Variants in DMD observed in about 807,000 individuals in gnomAD.
DMD encodes the protein dystrophin.
In DMD, 63 loss-of-function variants were observed where a neutral mutation model predicts 330.1. The ratio of observed to expected loss-of-function variants is 0.19; its 90% confidence interval spans 0.16 to 0.24. DMD has a LOEUF of 0.24. Ranked by LOEUF, DMD falls within the 10% of genes least tolerant of loss-of-function variation. DMD has a pLI of 1.00. For missense variants in DMD, 3,344 were observed against 2,684.1 expected (o/e 1.25, Z -5.43); for synonymous variants, 1,223 against 959.8 (o/e 1.27, Z -5.07).
intron 3 of DMD, among the ~76,000 whole-genome samples, chrX:32,849,186 C>G (rs927244784): frequency 2.7e-5 from 3 of 111,613 alleles, no homozygotes; most frequent in East Asian, 2.8e-4. Context: ...TCTTTCCCCC[C>G]CCAGTGTAAG....
At chrX:32,535,528 G>A (rs948297381) in intron 17 of DMD, among the ~76,000 whole-genome samples, 18 of 111,671 alleles carry the variant, frequency 1.6e-4, no homozygotes, top group Non-Finnish European at 3.2e-4. Context: ...CTGCCTGGCA[G>A]TCCTAACTTT....
intron 43 of DMD, among the ~76,000 whole-genome samples, chrX:32,276,863 C>T (rs1053762288): frequency 9.2e-6 from 1 of 109,223 alleles, no homozygotes; most frequent in Admixed American, 9.9e-5. Context: ...GAGGTTGCAG[C>T]GAACTGAGAT....
intron 11 of DMD, among the ~76,000 whole-genome samples, chrX:32,624,215 T>C (rs1185181059): frequency 8.9e-6 from 1 of 111,885 alleles, no homozygotes; most frequent in Non-Finnish European, 1.9e-5. Context: ...GACGGGAAAG[T>C]AAAAGCAAAA....
intron 55 of DMD, among the ~76,000 whole-genome samples, chrX:31,592,958 T>G (rs6631350): frequency 0.12 from 13,432 of 110,997 alleles, 762 homozygotes; most frequent in South Asian, 0.34. Context: ...TCAACTGGTT[T>G]AATTACTCAA....
At chrX:32,029,268 T>C (rs2095867837) in intron 44 of DMD, among the ~76,000 whole-genome samples, 1 of 111,503 alleles carries the variant, frequency 9.0e-6, no homozygotes, top group African/African-American at 3.3e-5. Flanking sequence ...ACCGACCTCA[T>C]GCAAAAATAT....
At chrX:32,361,738 A>G (rs1472114334) in intron 37 of DMD, among the ~76,000 whole-genome samples, 1 of 111,665 alleles carries the variant, frequency 9.0e-6, no homozygotes, top group Non-Finnish European at 1.9e-5. Context: ...TATCTATCAA[A>G]ATATTTTTTG....
Position 32,138,023 on chromosome X carries a change from T to C in DMD, c.6438+78893A>G, listed in dbSNP as rs190918721. Among the ~76,000 whole-genome samples the C allele has an allele frequency of 3.6e-3, 399 of 110,147 alleles. 1 individual carries two copies. The highest frequency in any genetic ancestry group is 5.8e-3 in the Non-Finnish European group (308 of 52,677). ...ATTTGTATGCAAATATACATCCTCATATAATTCTTATGAGGGACTAAAGTC... is the reference window on the plus strand; with the variant it reads ...ATTTGTATGCAAATATACATCCTCACATAATTCTTATGAGGGACTAAAGTC... On this transcript the variant is annotated intron_variant, in intron 44 of 78. Coordinates refer to ENST00000357033, the MANE Select transcript of DMD (RefSeq NM_004006.3).
intron 47 of DMD, among the ~76,000 whole-genome samples, chrX:31,881,841 A>G (rs1225663836): frequency 1.8e-5 from 2 of 112,007 alleles, no homozygotes; most frequent in African/African-American, 6.5e-5. Flanking sequence ...ATTTTTCAGA[A>G]CATATCTCAT....
At chrX:31,693,701 T>C (rs996312018) in intron 52 of DMD, among the ~76,000 whole-genome samples, 2 of 111,444 alleles carry the variant, frequency 1.8e-5, no homozygotes, top group Non-Finnish European at 3.8e-5. Flanking sequence ...TGAAAAAATA[T>C]TTGGAGTGAA....
intron 11 of DMD, among the ~76,000 whole-genome samples, chrX:32,637,105 C>T (rs2059153545): frequency 8.9e-6 from 1 of 111,855 alleles, no homozygotes; most frequent in Non-Finnish European, 1.9e-5. Flanking sequence ...AAGAAATTGG[C>T]AGATGTCATC....
chrX:32,934,841 T>C (rs2089870317), intron 2 of DMD, among the ~76,000 whole-genome samples: 1 of 112,602 alleles, frequency 8.9e-6, no homozygotes, highest in Non-Finnish European at 1.9e-5. Flanking sequence ...TTGCCTTTGA[T>C]TTCTTTTGTT....
intron 5 of DMD, among the ~76,000 whole-genome samples, chrX:32,821,928 G>T (rs1280483136): frequency 1.8e-5 from 2 of 109,827 alleles, no homozygotes; most frequent in Non-Finnish European, 3.8e-5. Flanking sequence ...TGAACGTGGT[G>T]GGGGGGAGTT....
At chrX:31,721,706 CTCTCTCTCTCTCTATATATATA>C (rs2085540225) in intron 52 of DMD, among the ~76,000 whole-genome samples, 1 of 49,364 alleles carries the variant, frequency 2.0e-5, no homozygotes, top group East Asian at 6.6e-4. Flanking sequence ...CTCTCTCTCT[CTCTCTCTCTCTCTATATATATA>C]TATATATATA....
chrX:31,850,262 C>CA (rs2093499684), intron 48 of DMD, among the ~76,000 whole-genome samples: 3 of 111,687 alleles, frequency 2.7e-5, no homozygotes, highest in African/African-American at 3.3e-5. Context: ...AGCCAAAAAA[C>CA]AAAAAAACCT....
intron 1 of DMD, among the ~76,000 whole-genome samples, chrX:33,166,457 A>G (rs1439346480): frequency 9.0e-6 from 1 of 111,549 alleles, no homozygotes; most frequent in African/African-American, 3.2e-5. Context: ...AATTTTCTAC[A>G]TACGGATGAA....
intron 63 of DMD, among the ~76,000 whole-genome samples, chrX:31,228,119 A>AG (rs2046818717): frequency 1.4e-5 from 1 of 71,927 alleles, no homozygotes; most frequent in African/African-American, 5.6e-5. Flanking sequence ...GGGTGGGGGG[A>AG]GTGGGGGGGA....
At chrX:31,127,213 G>A (rs1237254445) in intron 77 of DMD, among the ~76,000 whole-genome samples, 2 of 111,911 alleles carry the variant, frequency 1.8e-5, no homozygotes, top group Non-Finnish European at 3.8e-5. Context: ...TGAAATTGGA[G>A]GCATTTGAGA....
chrX:31,135,115 GCT>G (rs1034586433), intron 76 of DMD, among the ~76,000 whole-genome samples: 1 of 110,074 alleles, frequency 9.1e-6, no homozygotes, highest in African/African-American at 3.3e-5. Flanking sequence ...AAACTGACAA[GCT>G]CTCTTTTGTG....
At chrX:31,784,531 G>A (rs747491132) in intron 50 of DMD, among the ~76,000 whole-genome samples, 34 of 111,744 alleles carry the variant, frequency 3.0e-4, no homozygotes, top group African/African-American at 1.1e-3. Flanking sequence ...CCCATTTCTG[G>A]GTGTACGGTT....
Sources: gnomAD v4.1 joint callset for allele counts (sites outside exome capture counted in the v4.1 genomes callset) on GRCh38, gnomAD v4.1.1 for gene constraint, MANE v1.5 for transcripts, NCBI Gene and HGNC (gene_info 2026-07-23, HGNC 2026-07-21) for gene names.